GRIPAP1: variants seen among roughly 807,000 people sequenced by gnomAD.
GRIPAP1 encodes GRIP1-associated protein 1.
GRIPAP1 carries 14 observed loss-of-function variants against 84.1 expected under a neutral mutation model. The ratio of observed to expected loss-of-function variants is 0.17; its 90% CI spans 0.11 to 0.26. GRIPAP1 has a LOEUF of 0.26. GRIPAP1 is among the 10% of genes least tolerant of loss of function. The pLI is 1.00. For missense variants in GRIPAP1, 518 were observed against 674.2 expected, an observed-to-expected ratio of 0.77 and a Z score of 2.57; for synonymous variants, 261 against 256.8, an observed-to-expected ratio of 1.02 and a Z score of -0.15.
chrX:48,979,474 C>T (rs28433965), intron 21 of GRIPAP1, among the ~76,000 whole-genome samples: 1 of 10 alleles, frequency 0.1, no homozygotes, highest in Non-Finnish European at 0.17. Flanking sequence ...GAGACTCCGT[C>T]TAACAAAAAA....
intron 21 of GRIPAP1, among the ~76,000 whole-genome samples, chrX:48,980,059 G>A (rs1189591503): frequency 2.7e-5 from 3 of 111,480 alleles, no homozygotes; most frequent in Non-Finnish European, 5.7e-5. Flanking sequence ...TGGCAAGGGT[G>A]GGGTGACTGA....
At chrX:48,977,953 G>T (rs1184324571) in intron 22 of GRIPAP1, 1 of 151,132 alleles carries the variant, frequency 6.6e-6, no homozygotes, top group African/African-American at 3.1e-5. Context: ...AAAGTGGCTG[G>T]TAAGGAGGCT....
At chrX:48,977,247 A>T (rs2064427920) in intron 22 of GRIPAP1, 1 of 110,903 alleles carries the variant, frequency 9.0e-6, no homozygotes. Flanking sequence ...TAGAGACAAC[A>T]GTTGAATAAA....
At chrX:48,975,843 G>A (rs782010106) in intron 24 of GRIPAP1, 175 bp downstream of exon 24, 86 of 442,796 alleles carry the variant, frequency 1.9e-4, no homozygotes, top group African/African-American at 1.0e-4. Flanking sequence ...AGAGAGAAGA[G>A]GGAGGAGGCG....
In GRIPAP1 at chrX:48,981,312, G is replaced by A. The variant is rs1444122407; in HGVS notation, c.1833C>T (p.Leu611=). The A allele has an allele frequency of 8.3e-7, 1 of 1,206,879 alleles. No individual in the cohort carries two copies. The highest frequency in any genetic ancestry group is 1.7e-5 in the African/African-American group (1 of 57,388). ...RILEKKGSAA[L]KDLKRQLHLE... ...AATGCAGCTGCCGCTTGAGGTCCTTGAGCTGTGGGGGACAGGGGTAACATG... is the reference window on the plus strand; with the variant it reads ...AATGCAGCTGCCGCTTGAGGTCCTTAAGCTGTGGGGGACAGGGGTAACATG... The change falls in exon 21 of 26, where the codon CTC becomes CTT. Residue 611 remains leucine (L), a splice_region_variant and synonymous_variant. Coordinates refer to ENST00000376423, the MANE Select transcript of GRIPAP1 (RefSeq NM_020137.5).
intron 6 of GRIPAP1, among the ~76,000 whole-genome samples, chrX:48,991,613 G>A (rs1321997637): frequency 8.9e-6 from 1 of 112,404 alleles, no homozygotes; most frequent in Non-Finnish European, 1.9e-5. Context: ...GCCAAGGCAG[G>A]TGGATCATGA....
chrX:48,996,337 G>C (rs2064546897), intron 5 of GRIPAP1, among the ~76,000 whole-genome samples: 1 of 112,219 alleles, frequency 8.9e-6, no homozygotes, highest in Admixed American at 9.4e-5. Flanking sequence ...CGGGCGCGGT[G>C]GCTCACGCCT....
chrX:48,992,274 A>G (rs373175005), intron 6 of GRIPAP1, among the ~76,000 whole-genome samples: 4 of 112,563 alleles, frequency 3.6e-5, no homozygotes, highest in African/African-American at 1.3e-4. Flanking sequence ...CCAAAGTGCT[A>G]GGATTACAGG....
At chrX:48,987,623 T>C (rs1334652230) in intron 13 of GRIPAP1, among the ~76,000 whole-genome samples, 162 bp downstream of exon 13, 1 of 101,964 alleles carries the variant, frequency 9.8e-6, no homozygotes, top group Non-Finnish European at 2.0e-5. Flanking sequence ...TAGGGATGGA[T>C]GGCCAGAGAG....
In GRIPAP1 at chrX:48,990,907, C is replaced by G; in HGVS notation, c.642+19G>C. 1 of 1,128,799 alleles carries G rather than the reference C, an allele frequency of 8.9e-7. No homozygotes were observed. Among genetic ancestry groups the G allele is most frequent in the Non-Finnish European group, 1.2e-6 (1 of 841,383 alleles). The allele number at this position is 1,128,799 out of a possible 1,213,427, so 93.0% of individuals were successfully genotyped here. The stretch of plus-strand genomic sequence containing the variant: ...TGCCCTGCCTTCTGGCATTCCAGCT[C>G]CAACAGACTCAGATTCACCTCTAAG... On this transcript the variant is annotated intron_variant, in intron 7 of 25. Transcript: ENST00000376423.
intron 24 of GRIPAP1, chrX:48,975,583 G>T: frequency 2.8e-6 from 1 of 353,631 alleles, no homozygotes; most frequent in Non-Finnish European, 4.9e-6. Flanking sequence ...GCACATGTTG[G>T]TCAGTATGAT....
Position 48,993,525 on chromosome X carries a change from C to T in GRIPAP1, c.360G>A (p.Gly120=), listed in dbSNP as rs781908313. 8.4e-7 allele frequency: 1 copy of T among 1,187,909 alleles called. No individual in the cohort carries two copies. Among genetic ancestry groups the T allele is most frequent in the South Asian group, 1.9e-5 (1 of 53,541 alleles). Residue 120 remains glycine (G), a synonymous_variant, in exon 6 of 26, where the codon GGG becomes GGA. Coordinates refer to ENST00000376423, the MANE Select transcript of GRIPAP1 (RefSeq NM_020137.5). The part of the protein sequence containing the change: ...LEQENQQLKE[G]AAGAGVAQAG... ...CTTGGGCAACCCCTGCTCCTGCAGC[C>T]CCCTCCTTCAGTTGCTGGTTCTCTT...
In GRIPAP1 at chrX:48,976,444, A is replaced by G. The variant is rs1246340899; in HGVS notation, c.2062-81T>C. 4 of 1,088,536 alleles carry G rather than the reference A, an allele frequency of 3.7e-6. No individual in the cohort carries two copies. The East Asian group carries it at 1.3e-4, about 35-fold the overall frequency. The allele number at this position is 1,088,536 out of a possible 1,213,427, so 89.7% of individuals were successfully genotyped here. ...ACAGGTGTCAGGGACTGGGGAGGAGAACCAGGCCAGAGGTGGGTGAGAGAA... is the reference window on the plus strand; with the variant it reads ...ACAGGTGTCAGGGACTGGGGAGGAGGACCAGGCCAGAGGTGGGTGAGAGAA... On this transcript the variant is annotated intron_variant, in intron 22 of 25. Coordinates refer to ENST00000376423, the MANE Select transcript of GRIPAP1 (RefSeq NM_020137.5).
intron 22 of GRIPAP1, 57 bp from the exon 23 acceptor site, chrX:48,976,420 C>A: frequency 8.7e-7 from 1 of 1,153,726 alleles, no homozygotes; most frequent in Non-Finnish European, 1.2e-6. Context: ...CGACCCCAGA[C>A]AGGTGTCAGG....
In GRIPAP1 at chrX:48,987,814, A is replaced by G; in HGVS notation, c.1012T>C (p.Leu338=). ...TCCAGGGCAGCCAGGCTAGTCCTCA[A>G]GGCATTGTTCTCAGCCAAAAGCCCT... The part of the protein sequence containing the change: ...VEGLLAENNA[L]RTSLAALEQI... The change falls in exon 13 of 26, where the codon TTG becomes CTG. Residue 338 remains leucine (L), a synonymous_variant. Transcript: ENST00000376423. 6.6e-6 allele frequency: 8 copies of G among 1,203,047 alleles called. No individual in the cohort carries two copies. Among genetic ancestry groups the G allele is most frequent in the Non-Finnish European group, 9.0e-6 (8 of 888,865 alleles).
At position 48,993,541 on chromosome X, in the gene GRIPAP1, TG is replaced by T; in HGVS notation, c.343del (p.Gln115SerfsTer3). The part of the protein sequence containing the change: ...SQMEQLEQEN[Q>X]QLKEGAAGAG... ...TCCTGCAGCCCCCTCCTTCAGTTGC[TG>T]GTTCTCTTGCTCCAGCTGTTCCATC... On this transcript the variant is annotated frameshift_variant, in exon 6 of 26. Coordinates refer to ENST00000376423, the MANE Select transcript of GRIPAP1 (RefSeq NM_020137.5). LOFTEE classifies it high-confidence loss of function. The T allele has an allele frequency of 8.5e-7, 1 of 1,181,616 alleles. No individual in the cohort carries two copies. The highest frequency in any genetic ancestry group is 1.1e-6 in the Non-Finnish European group (1 of 879,356).
At chrX:48,997,390 A>G in intron 4 of GRIPAP1, 33 bp from the exon 5 acceptor site, 1 of 795,455 alleles carries the variant, frequency 1.3e-6, no homozygotes, top group East Asian at 3.4e-5. Context: ...GGACTCCAGC[A>G]AGGGCAAAAA....
At chrX:48,997,706 A>G (rs1422032176) in intron 4 of GRIPAP1, among the ~76,000 whole-genome samples, 1 of 108,945 alleles carries the variant, frequency 9.2e-6, no homozygotes, top group Non-Finnish European at 1.9e-5. Context: ...AGAGAAGAAC[A>G]AACAGAAATC....
chrX:48,985,339 CA>C lies in GRIPAP1; in HGVS notation c.1104del (p.Glu369SerfsTer40). On this transcript the variant is annotated frameshift_variant, in exon 14 of 26. Transcript: ENST00000376423. LOFTEE classifies it high-confidence loss of function. The stretch of plus-strand genomic sequence containing the variant: ...TACTCAGCCTGCTGCTGCTGCAACT[CA>C]GCTGCCAGCCCAGTGGTCTGTTCCC... ...MLREQTTGLA[A>X]ELQQQQAEYE... 8.3e-7 allele frequency: 1 copy of C among 1,205,928 alleles called. No homozygotes were observed. The highest frequency in any genetic ancestry group is 1.1e-6 in the Non-Finnish European group (1 of 890,162).
Sources: allele counts gnomAD v4.1 joint callset (sites outside exome capture counted in the v4.1 genomes callset), GRCh38; gene constraint gnomAD v4.1.1; transcripts MANE v1.5; gene names NCBI Gene and HGNC (gene_info 2026-07-23, HGNC 2026-07-21).